DOCK5: variants seen among roughly 807,000 people sequenced by gnomAD.
The protein encoded by DOCK5 is dedicator of cytokinesis 5.
A neutral mutation model predicts 251.8 loss-of-function variants in DOCK5; 142 were observed. That is an observed-to-expected ratio of 0.56 (90% CI 0.49 to 0.65). The LOEUF (loss-of-function observed/expected upper bound fraction) is 0.65. Ranked by LOEUF, DOCK5 falls within the 30% of genes least tolerant of loss-of-function variation. DOCK5 has a pLI of 0.00. For missense variants in DOCK5, 2,111 were observed against 2,312.3 expected (o/e 0.91, Z 1.79); for synonymous variants, 842 against 835.5 (o/e 1.01, Z -0.13).
At chr8:25,237,703 G>A (rs994139140) in intron 1 of DOCK5, among the ~76,000 whole-genome samples, 1 of 152,204 alleles carries the variant, frequency 6.6e-6, no homozygotes, top group Non-Finnish European at 1.5e-5. Context: ...GCGAGGCAAC[G>A]TATGTACAGC....
intron 16 of DOCK5, among the ~76,000 whole-genome samples, chr8:25,321,577 T>C (rs2117201166): frequency 6.6e-6 from 1 of 152,212 alleles, no homozygotes; most frequent in South Asian, 2.1e-4. Flanking sequence ...CATGCACAGG[T>C]CACAATAGGG....
At chr8:25,251,450 C>T (rs142902811) in intron 2 of DOCK5, among the ~76,000 whole-genome samples, 89 of 152,132 alleles carry the variant, frequency 5.9e-4, no homozygotes, top group African/African-American at 2.1e-3. Context: ...CCCAGAATAC[C>T]CATGTTATTT....
At position 25,243,658 on chromosome 8, in the gene DOCK5, T is replaced by G; in HGVS notation, c.44-16T>G. The G allele has an allele frequency of 6.2e-7, 1 of 1,610,778 alleles. No homozygotes were observed. Among genetic ancestry groups the G allele is most frequent in the Non-Finnish European group, 8.5e-7 (1 of 1,178,296 alleles). ...GACATGCATTCTAATTTCCCTTTTT[T>G]ATTTCTCATTTCCAGCGATCTATAA... is the stretch of plus-strand genomic sequence containing the variant. On this transcript the variant is annotated splice_polypyrimidine_tract_variant and intron_variant, in intron 1 of 51. Transcript: ENST00000276440.
chr8:25,291,279 G>C (rs1003342612), intron 5 of DOCK5, among the ~76,000 whole-genome samples: 2 of 152,158 alleles, frequency 1.3e-5, no homozygotes, highest in African/African-American at 4.8e-5. Context: ...AGTTGCAAGA[G>C]GGGAGGGTGT....
At chr8:25,389,042 T>C (rs762674456) in intron 40 of DOCK5, 49 bp from the exon 41 acceptor site, 6 of 1,590,010 alleles carry the variant, frequency 3.8e-6, no homozygotes, top group Non-Finnish European at 8.6e-7. Context: ...TCCAGTTGCC[T>C]CTCCACTCTT....
intron 4 of DOCK5, 143 bp downstream of exon 4, chr8:25,275,584 C>A: frequency 1.3e-6 from 1 of 799,936 alleles, no homozygotes; most frequent in Non-Finnish European, 1.9e-6. Context: ...CCTGTAATCC[C>A]AGCACTTTGG....
rs1801428344 is a variant in DOCK5, at chr8:25,400,934, C to T, written c.4794C>T (p.Pro1598=). The change falls in exon 47 of 52, where the codon CCC becomes CCT. Residue 1598 remains proline (P), a synonymous_variant. Transcript: ENST00000276440. Reference sequence around the variant, plus strand: ...TTTTTTGCCCTTCTTTCCAGATGCCCCTGCTAACAGAAGGGATCCGCATCC... The same window carrying T: ...TTTTTTGCCCTTCTTTCCAGATGCCTCTGCTAACAGAAGGGATCCGCATCC... ...LLKRLIALQM[P]LLTEGIRIHG... is the part of the protein sequence containing the mutation. The T allele has an allele frequency of 1.2e-6, 2 of 1,613,842 alleles. No individual in the cohort carries two copies. Among genetic ancestry groups the T allele is most frequent in the Non-Finnish European group, 8.5e-7 (1 of 1,179,876 alleles).
At chr8:25,214,824 C>T (rs1325961455) in intron 1 of DOCK5, among the ~76,000 whole-genome samples, 1 of 152,136 alleles carries the variant, frequency 6.6e-6, no homozygotes, top group Non-Finnish European at 1.5e-5. Flanking sequence ...CCCATCTGTC[C>T]CTGGCTGCTC....
At chr8:25,225,517 T>G in intron 1 of DOCK5, among the ~76,000 whole-genome samples, 1 of 152,082 alleles carries the variant, frequency 6.6e-6, no homozygotes, top group African/African-American at 2.4e-5. Flanking sequence ...CCATCCTGGC[T>G]AACACAGTGA....
chr8:25,350,367 C>G (rs893267832), intron 26 of DOCK5, among the ~76,000 whole-genome samples: 12 of 151,222 alleles, frequency 7.9e-5, no homozygotes, highest in African/African-American at 2.9e-4. Flanking sequence ...TAAGTCGGAG[C>G]CAAATGAGGG....
At chr8:25,340,803 G>A (rs1355284557) in intron 22 of DOCK5, 74 bp from the exon 23 acceptor site, 1 of 1,172,776 alleles carries the variant, frequency 8.5e-7, no homozygotes, top group East Asian at 2.5e-5. Flanking sequence ...GAGAAGTGAG[G>A]GAGGCAACAA....
intron 1 of DOCK5, among the ~76,000 whole-genome samples, chr8:25,205,069 G>A (rs1313127643): frequency 2.0e-5 from 3 of 152,014 alleles, no homozygotes; most frequent in African/African-American, 7.2e-5. Context: ...TTATTAAAAA[G>A]TTAATTAAAG....
intron 5 of DOCK5, 137 bp downstream of exon 5, chr8:25,278,802 A>G (rs1365345482): frequency 1.2e-5 from 9 of 779,718 alleles, no homozygotes; most frequent in Non-Finnish European, 1.5e-5. Context: ...AAAGGCTGAT[A>G]AGCAGCAGAT....
At chr8:25,372,438 T>C (rs2117286474) in intron 34 of DOCK5, 121 bp from the exon 35 acceptor site, 3 of 981,962 alleles carry the variant, frequency 3.1e-6, no homozygotes, top group East Asian at 2.9e-5. Context: ...ATATCTAACA[T>C]TGACGTTCTG....
intron 8 of DOCK5, among the ~76,000 whole-genome samples, chr8:25,300,148 C>A (rs935791431): frequency 6.6e-6 from 1 of 152,208 alleles, no homozygotes; most frequent in Non-Finnish European, 1.5e-5. Context: ...TCAGGCGATC[C>A]GCCCGCCTTG....
At chr8:25,188,844 C>T (rs1018234954) in intron 1 of DOCK5, among the ~76,000 whole-genome samples, 3 of 152,032 alleles carry the variant, frequency 2.0e-5, no homozygotes, top group South Asian at 2.1e-4. Flanking sequence ...TCTTTTCTCT[C>T]TCTTTTTTCT....
intron 1 of DOCK5, among the ~76,000 whole-genome samples, chr8:25,187,307 A>T (rs993102669): frequency 6.7e-6 from 1 of 149,726 alleles, no homozygotes; most frequent in African/African-American, 2.5e-5. Flanking sequence ...ATATATGTAT[A>T]TATGCGTATA....
chr8:25,382,925 G>C, intron 40 of DOCK5, 147 bp downstream of exon 40: 1 of 636,468 alleles, frequency 1.6e-6, no homozygotes, highest in South Asian at 2.0e-5. Context: ...CTGAGCAGCC[G>C]GCCTCTTCAC....
At chr8:25,235,382 T>G (rs1802770121) in intron 1 of DOCK5, among the ~76,000 whole-genome samples, 1 of 152,044 alleles carries the variant, frequency 6.6e-6, no homozygotes, top group South Asian at 2.1e-4. Context: ...CACCTCACCC[T>G]CTCGGGTAGC....
Sources: gnomAD v4.1 joint callset for allele counts (sites outside exome capture counted in the v4.1 genomes callset) on GRCh38, gnomAD v4.1.1 for gene constraint, MANE v1.5 for transcripts, NCBI Gene and HGNC (gene_info 2026-07-23, HGNC 2026-07-21) for gene names.